The following CDH12 variants were observed in gnomAD, a reference collection of about 807,000 sequenced individuals.
The protein encoded by CDH12 is cadherin-12.
In CDH12, 41 loss-of-function variants were observed where a neutral mutation model predicts 74.1. The observed-to-expected ratio is 0.55, with a 90% confidence interval of 0.43 to 0.72. The LOEUF (loss-of-function observed/expected upper bound fraction) is 0.72. CDH12 is among the 30% of genes least tolerant of loss of function. The pLI, the probability that CDH12 is intolerant of heterozygous loss-of-function variation, is 0.00. For synonymous variants in CDH12, 399 were observed against 355.0 expected, an observed-to-expected ratio of 1.12 and a Z score of -1.39; for missense variants, 945 against 977.2, an observed-to-expected ratio of 0.97 and a Z score of 0.44.
chr5:22,596,137 T>A (rs1346717622), intron 1 of CDH12, among the ~76,000 whole-genome samples: 3 of 146,396 alleles, frequency 2.0e-5, no homozygotes, highest in African/African-American at 5.0e-5. Flanking sequence ...AAAATAAAAA[T>A]AATAATAATA....
intron 2 of CDH12, among the ~76,000 whole-genome samples, chr5:22,470,451 G>C (rs1745912283): frequency 6.8e-6 from 1 of 147,870 alleles, no homozygotes; most frequent in Non-Finnish European, 1.5e-5. Flanking sequence ...GGGTCTCACT[G>C]TTTGTTGCTC....
chr5:21,941,411 A>C (rs534875786), intron 6 of CDH12, among the ~76,000 whole-genome samples: 5 of 152,274 alleles, frequency 3.3e-5, no homozygotes, highest in Non-Finnish European at 5.9e-5. Flanking sequence ...TGAACCAATA[A>C]AATGATTTCT....
intron 4 of CDH12, among the ~76,000 whole-genome samples, chr5:22,096,309 C>T (rs1321508165): frequency 2.6e-5 from 4 of 152,102 alleles, no homozygotes; most frequent in Non-Finnish European, 5.9e-5. Flanking sequence ...AATAGGCAAA[C>T]GGTCTGAGGT....
chr5:21,827,735 A>G (rs1748760169), intron 8 of CDH12, among the ~76,000 whole-genome samples: 1 of 152,162 alleles, frequency 6.6e-6, no homozygotes, highest in Non-Finnish European at 1.5e-5. Context: ...AATGATTTTC[A>G]GAAAAATTGG....
At chr5:22,755,838 TCTAA>T (rs1745869501) in intron 1 of CDH12, among the ~76,000 whole-genome samples, 1 of 152,016 alleles carries the variant, frequency 6.6e-6, no homozygotes, top group African/African-American at 2.4e-5. Flanking sequence ...GTTAACACTG[TCTAA>T]CTATTTTAAA....
At chr5:21,854,006 T>C (rs991280369) in intron 7 of CDH12, among the ~76,000 whole-genome samples, 1 of 151,644 alleles carries the variant, frequency 6.6e-6, no homozygotes, top group Non-Finnish European at 1.5e-5. Flanking sequence ...CATTCAGATA[T>C]TGATTGTTTA....
At chr5:22,410,764 CT>C (rs1250137378) in intron 2 of CDH12, among the ~76,000 whole-genome samples, 1 of 151,938 alleles carries the variant, frequency 6.6e-6, no homozygotes, top group African/African-American at 2.4e-5. Flanking sequence ...GAAGATTATT[CT>C]TTAAAAAAAC....
chr5:21,879,906 A>T (rs562667516), intron 6 of CDH12, among the ~76,000 whole-genome samples: 1 of 152,376 alleles, frequency 6.6e-6, no homozygotes, highest in East Asian at 1.9e-4. Context: ...TTAATAGTTG[A>T]TCTAACAGGT....
chr5:21,852,543 C>G (rs1188423385), intron 7 of CDH12, among the ~76,000 whole-genome samples: 3 of 151,166 alleles, frequency 2.0e-5, no homozygotes, highest in South Asian at 4.2e-4. Flanking sequence ...TTTAACCCAT[C>G]CTTTACGTTT....
At chr5:22,072,706 A>G (rs1374507650) in intron 5 of CDH12, among the ~76,000 whole-genome samples, 1 of 151,878 alleles carries the variant, frequency 6.6e-6, no homozygotes, top group Non-Finnish European at 1.5e-5. Flanking sequence ...TATATCTCCT[A>G]ATGCTATCCC....
At chr5:22,472,634 A>C (rs1198850109) in intron 2 of CDH12, among the ~76,000 whole-genome samples, 2 of 152,110 alleles carry the variant, frequency 1.3e-5, no homozygotes, top group African/African-American at 2.4e-5. Context: ...CTCAAAAAAA[A>C]ATCTATTATA....
chr5:22,643,580 ATGT>A (rs1189615514), intron 1 of CDH12, among the ~76,000 whole-genome samples: 1 of 152,116 alleles, frequency 6.6e-6, no homozygotes, highest in Admixed American at 6.6e-5. Flanking sequence ...ATTCTTGGTG[ATGT>A]TGTAAACAAA....
At chr5:21,904,903 TG>T (rs1753565741) in intron 6 of CDH12, among the ~76,000 whole-genome samples, 2 of 152,148 alleles carry the variant, frequency 1.3e-5, no homozygotes, top group Non-Finnish European at 2.9e-5. Context: ...AGGGTGAAAT[TG>T]CAGATGTATT....
intron 1 of CDH12, among the ~76,000 whole-genome samples, chr5:22,793,584 A>G (rs1171727103): frequency 6.6e-6 from 1 of 152,178 alleles, no homozygotes; most frequent in Non-Finnish European, 1.5e-5. Flanking sequence ...CCAGGAGCTT[A>G]TGAATAATGC....
At chr5:21,829,062 G>A (rs376758342) in intron 8 of CDH12, among the ~76,000 whole-genome samples, 81 of 152,212 alleles carry the variant, frequency 5.3e-4, no homozygotes, top group African/African-American at 1.8e-3. Flanking sequence ...TTGGGAGGCC[G>A]AGGCAGGCAG....
chr5:22,728,108 C>A (rs1422956730), intron 1 of CDH12, among the ~76,000 whole-genome samples: 4 of 151,710 alleles, frequency 2.6e-5, no homozygotes, highest in African/African-American at 9.6e-5. Context: ...TATATTAAAT[C>A]TCTTGCAATT....
intron 10 of CDH12, among the ~76,000 whole-genome samples, chr5:21,788,624 A>G (rs902474092): frequency 6.6e-6 from 1 of 152,142 alleles, no homozygotes; most frequent in Non-Finnish European, 1.5e-5. Context: ...TTTCAGATGT[A>G]TAATAAAGTT....
intron 1 of CDH12, among the ~76,000 whole-genome samples, chr5:22,715,911 C>T (rs1022448833): frequency 1.3e-4 from 19 of 151,884 alleles, no homozygotes; most frequent in East Asian, 1.2e-3. Context: ...CCTTGGTGTG[C>T]GGATCACTTG....
chr5:22,398,015 C>T (rs1742536547), intron 3 of CDH12, among the ~76,000 whole-genome samples: 1 of 152,026 alleles, frequency 6.6e-6, no homozygotes, highest in Non-Finnish European at 1.5e-5. Flanking sequence ...ATATATTGTG[C>T]ATTAACTACT....
Sources: gnomAD v4.1 joint callset for allele counts (sites outside exome capture counted in the v4.1 genomes callset) on GRCh38, gnomAD v4.1.1 for gene constraint, MANE v1.5 for transcripts, NCBI Gene and HGNC (gene_info 2026-07-23, HGNC 2026-07-21) for gene names.